Variants in CAVIN1 observed in about 807,000 individuals in gnomAD.
CAVIN1 encodes caveolae associated protein 1, also known as caveolae-associated protein 1.
CAVIN1 carries 16 observed loss-of-function variants against 24.0 expected under a neutral mutation model. The ratio of observed to expected loss-of-function variants is 0.67; its 90% CI spans 0.45 to 1.01. The LOEUF (loss-of-function observed/expected upper bound fraction) is 1.01, where lower values mean the gene tolerates loss of function less well. Ranked by LOEUF, CAVIN1 falls within the 50% of genes least tolerant of loss-of-function variation. The pLI is 0.00. For synonymous variants in CAVIN1, 256 were observed against 256.4 expected, an observed-to-expected ratio of 1.00 and a Z score of 0.02; for missense variants, 510 against 551.7, an observed-to-expected ratio of 0.92 and a Z score of 0.76.
At chr17:42,406,969 C>G (rs988527592) in intron 1 of CAVIN1, among the ~76,000 whole-genome samples, 41 of 152,268 alleles carry the variant, frequency 2.7e-4, no homozygotes, top group Non-Finnish European at 5.7e-4. Flanking sequence ...AAAGCCTGAG[C>G]TCAGGGGTCT....
intron 1 of CAVIN1, among the ~76,000 whole-genome samples, chr17:42,412,508 C>T (rs1452983077): frequency 6.7e-6 from 1 of 150,264 alleles, no homozygotes; most frequent in Non-Finnish European, 1.5e-5. Context: ...ATCTTCTTAC[C>T]TCAGCCTCCC....
chr17:42,416,593 CAAAAAAAAAAAA>C (rs34249867), intron 1 of CAVIN1, among the ~76,000 whole-genome samples: 3 of 54,464 alleles, frequency 5.5e-5, no homozygotes, highest in African/African-American at 1.4e-4. Context: ...GATCCTTTCT[CAAAAAAAAAAAA>C]AAAAAAAAAA....
intron 1 of CAVIN1, among the ~76,000 whole-genome samples, chr17:42,407,637 A>G (rs1045237404): frequency 1.3e-5 from 2 of 152,204 alleles, no homozygotes; most frequent in African/African-American, 4.8e-5. Flanking sequence ...TCTGCTGGGC[A>G]CCAAGCCACC....
At position 42,419,157 on chromosome 17, in the gene CAVIN1, A is replaced by G. The variant is rs180777050; in HGVS notation, c.471+3470T>C. On this transcript the variant is annotated intron_variant, in intron 1 of 1. Coordinates refer to ENST00000357037, the MANE Select transcript of CAVIN1 (RefSeq NM_012232.6). ...GACTGCAGTAAGATATGACTGTGTC[A>G]CTGCACTCCAGCTTGAGCAACAGAG... Among the ~76,000 whole-genome samples the G allele has an allele frequency of 5.5e-4, 83 of 152,268 alleles. 1 individual carries two copies. The East Asian group carries it at 0.015, about 28-fold the overall frequency.
intron 1 of CAVIN1, among the ~76,000 whole-genome samples, chr17:42,408,081 AACCCACCC>A (rs1440601845): frequency 6.6e-6 from 1 of 152,006 alleles, no homozygotes; most frequent in Non-Finnish European, 1.5e-5. Flanking sequence ...CAGACTTAAA[AACCCACCC>A]ACGCCCCACC....
intron 1 of CAVIN1, 78 bp from the exon 2 acceptor site, chr17:42,405,466 T>G (rs2085438546): frequency 1.0e-5 from 15 of 1,477,400 alleles, no homozygotes; most frequent in Non-Finnish European, 1.4e-5. Flanking sequence ...GTGGTGACGA[T>G]CCTGGAGAGA....
intron 1 of CAVIN1, among the ~76,000 whole-genome samples, chr17:42,405,996 C>A (rs1052705223): frequency 6.6e-6 from 1 of 152,188 alleles, no homozygotes; most frequent in African/African-American, 2.4e-5. Context: ...CTCGCGCCGC[C>A]ATTCTCTAAA....
At chr17:42,417,135 G>A (rs538773194) in intron 1 of CAVIN1, among the ~76,000 whole-genome samples, 6 of 152,206 alleles carry the variant, frequency 3.9e-5, no homozygotes, top group South Asian at 2.1e-4. Context: ...GTCAACAGAC[G>A]GCATACACAA....
rs2085430375 is a variant in CAVIN1, at chr17:42,404,620, C to G, written c.*67G>C. The G allele has an allele frequency of 1.8e-6, 2 of 1,113,302 alleles. No individual in the cohort carries two copies. The highest frequency in any genetic ancestry group is 2.4e-6 in the Non-Finnish European group (2 of 831,578). The allele number at this position is 1,113,302 out of a possible 1,614,324, so 69.0% of individuals were successfully genotyped here. On this transcript the variant is annotated 3_prime_UTR_variant, in exon 2 of 2. Coordinates refer to ENST00000357037, the MANE Select transcript of CAVIN1 (RefSeq NM_012232.6). ...TAGAAAAATCTCAGCCAGCTCGAGC[C>G]GAGAGAGAATGCGAAAGAGGAAGTT...
rs1284491070 is a variant in CAVIN1 at position 42,423,176 on chromosome 17, G to A, written c.-79C>T. 8 of 1,174,374 alleles carry A rather than the reference G, an allele frequency of 6.8e-6. No homozygotes were observed. The highest frequency in any genetic ancestry group is 9.5e-6 in the Non-Finnish European group (8 of 843,214). 72.7% of individuals were successfully genotyped at this position (1,174,374 alleles called of 1,614,324 possible). A position where few individuals can be genotyped will look rare whatever the true frequency, so the allele number is the denominator to read the frequency against. On this transcript the variant is annotated 5_prime_UTR_variant, in exon 1 of 2. Coordinates refer to ENST00000357037, the MANE Select transcript of CAVIN1 (RefSeq NM_012232.6). ...GACCCGGAGAGAAGCAGGAGCGGAA[G>A]GGAGGAGAGCTAGCGGGCGAGAGCG...
intron 1 of CAVIN1, among the ~76,000 whole-genome samples, chr17:42,411,207 A>AAAAAAAAAAAAAAAAC (rs758609413): frequency 0.01 from 1,275 of 127,368 alleles, 89 homozygotes; most frequent in Non-Finnish European, 0.017. Flanking sequence ...AAAAAAAAAA[A>AAAAAAAAAAAAAAAAC]AACTAAAAGG....
intron 1 of CAVIN1, among the ~76,000 whole-genome samples, chr17:42,421,617 T>C (rs529597336): frequency 9.9e-5 from 15 of 152,144 alleles, no homozygotes; most frequent in African/African-American, 3.6e-4. Flanking sequence ...AGGAGCAGCA[T>C]AGAAACCCGA....
chr17:42,412,342 T>C, intron 1 of CAVIN1: 3 of 932,264 alleles, frequency 3.2e-6, no homozygotes, highest in Non-Finnish European at 1.3e-6. Context: ...GAGTAGGGGC[T>C]GGTGAGTAGG....
intron 1 of CAVIN1, among the ~76,000 whole-genome samples, chr17:42,407,008 C>A (rs1437798877): frequency 6.6e-6 from 1 of 152,112 alleles, no homozygotes; most frequent in Non-Finnish European, 1.5e-5. Context: ...CTCAGATTCC[C>A]CATGACCCTG....
intron 1 of CAVIN1, among the ~76,000 whole-genome samples, chr17:42,421,167 C>T (rs555186190): frequency 6.6e-6 from 1 of 152,212 alleles, no homozygotes; most frequent in South Asian, 2.1e-4. Context: ...GCCACTTCTG[C>T]CTCTGTCCCA....
At chr17:42,419,882 C>CATGTGTGT (rs1555588366) in intron 1 of CAVIN1, among the ~76,000 whole-genome samples, 7 of 143,658 alleles carry the variant, frequency 4.9e-5, no homozygotes, top group Admixed American at 7.0e-5. Context: ...TGCTGAATTT[C>CATGTGTGT]GTGTGTGTGT....
At chr17:42,408,452 T>C (rs2085457844) in intron 1 of CAVIN1, among the ~76,000 whole-genome samples, 1 of 151,928 alleles carries the variant, frequency 6.6e-6, no homozygotes, top group Non-Finnish European at 1.5e-5. Flanking sequence ...AACTACAACA[T>C]AAGGAAGCAA....
chr17:42,410,669 T>C (rs189471582), intron 1 of CAVIN1, among the ~76,000 whole-genome samples: 3 of 152,100 alleles, frequency 2.0e-5, no homozygotes, highest in Admixed American at 2.0e-4. Context: ...ATCCCAGCAC[T>C]TTGGGAGGCC....
chr17:42,419,882 C>CGTGTGTGTGTGT lies in CAVIN1; in HGVS notation c.471+2733_471+2744dup, dbSNP rs5820458. Among the ~76,000 whole-genome samples the CGTGTGTGTGTGT allele has an allele frequency of 5.8e-3, 839 of 143,736 alleles. 7 individuals carry two copies. Among genetic ancestry groups the CGTGTGTGTGTGT allele is most frequent in the Middle Eastern group, 0.014 (4 of 288 alleles). 94.3% of individuals were successfully genotyped at this position (143,736 alleles called of 152,430 possible). A position where few individuals can be genotyped will look rare whatever the true frequency, so the allele number is the denominator to read the frequency against. On this transcript the variant is annotated intron_variant, in intron 1 of 1. Transcript: ENST00000357037. ...CCTTGGGGTGGGAGGTGCTGAATTTCGTGTGTGTGTGTGTGTGTGTGTGTG... is the reference window on the plus strand; with the variant it reads ...CCTTGGGGTGGGAGGTGCTGAATTTCGTGTGTGTGTGTGTGTGTGTGTGTGTGTGTGTGTGTG...
Sources: allele counts gnomAD v4.1 joint callset (sites outside exome capture counted in the v4.1 genomes callset), GRCh38; gene constraint gnomAD v4.1.1; transcripts MANE v1.5; gene names NCBI Gene and HGNC (gene_info 2026-07-23, HGNC 2026-07-21).